Variants in SEC14L2 observed in about 807,000 individuals in gnomAD.
SEC14L2 encodes the protein SEC14-like protein 2.
Under a neutral mutation model 56.9 loss-of-function variants are expected in SEC14L2, and 50 were observed. The ratio of observed to expected loss-of-function variants is 0.88; its 90% confidence interval spans 0.70 to 1.11. The LOEUF is 1.11. Among genes scored for constraint, SEC14L2 ranks in the 50% most tolerant of loss-of-function variants. SEC14L2 has a pLI of 0.00. For synonymous variants in SEC14L2, 179 were observed against 188.5 expected (o/e 0.95, Z 0.41); for missense variants, 414 against 500.7 (o/e 0.83, Z 1.65).
rs975432000 is a variant in SEC14L2 at position 30,399,795 on chromosome 22, G to T, written c.130+77G>T. Reference sequence around the variant, plus strand: ...CAGAATAGCACCCTCTGAAAACCCTGCCCTTGGCAATTGAGGCATCTAGAG... The same window carrying T: ...CAGAATAGCACCCTCTGAAAACCCTTCCCTTGGCAATTGAGGCATCTAGAG... On this transcript the variant is annotated intron_variant, in intron 2 of 11. Coordinates refer to ENST00000615189, the MANE Select transcript of SEC14L2 (RefSeq NM_012429.5). 2.2e-6 allele frequency: 3 copies of T among 1,353,896 alleles called. No homozygotes were observed. In the South Asian group the frequency reaches 3.9e-5, roughly 17 times the overall value. 83.9% of individuals were successfully genotyped at this position (1,353,896 alleles called of 1,614,324 possible).
At position 30,409,254 on chromosome 22, in the gene SEC14L2, G is replaced by A. The variant is rs1482169286; in HGVS notation, c.491G>A (p.Trp164Ter). 1 of 1,613,872 alleles carries A rather than the reference G, an allele frequency of 6.2e-7. No individual in the cohort carries two copies. Among genetic ancestry groups the A allele is most frequent in the Admixed American group, 1.7e-5 (1 of 60,012 alleles). Residue 164 changes from tryptophan to a stop codon, truncating the protein, a stop_gained, in exon 6 of 12, where the codon TGG (tryptophan) becomes TAG (stop). Transcript: ENST00000615189. LOFTEE classifies it high-confidence loss of function. ...DCEGLGLKHL[W>*]KPAVEAYGEF... ...GAGGGGCTTGGCCTCAAGCATCTCT[G>A]GAAGCCTGCTGTGGAGGCCTATGGA...
At chr22:30,420,216 G>A (rs1037222324) in intron 11 of SEC14L2, among the ~76,000 whole-genome samples, 1 of 152,134 alleles carries the variant, frequency 6.6e-6, no homozygotes, top group African/African-American at 2.4e-5. Flanking sequence ...GCCTCCCAAA[G>A]TGCTGGGATT....
chr22:30,403,769 C>T (rs1372780719), intron 2 of SEC14L2, among the ~76,000 whole-genome samples: 2 of 151,932 alleles, frequency 1.3e-5, no homozygotes, highest in South Asian at 2.1e-4. Flanking sequence ...TTTGGGAGGC[C>T]GAGGCAGGTG....
intron 1 of SEC14L2, chr22:30,397,761 A>C (rs1366339126): frequency 2.3e-6 from 1 of 435,120 alleles, no homozygotes; most frequent in African/African-American, 2.1e-5. Flanking sequence ...TCCCCCCATG[A>C]GGCACTGGGT....
At position 30,416,090 on chromosome 22, in the gene SEC14L2, A is replaced by G; in HGVS notation, c.911+3A>G. ...CTCTTCCCTGGCTGTGTCCTCAGGT[A>G]GGGGCCTGGGCCCTTCCAGGAGACC... On this transcript the variant is annotated splice_donor_region_variant and intron_variant, in intron 10 of 11. Coordinates refer to ENST00000615189, the MANE Select transcript of SEC14L2 (RefSeq NM_012429.5). 1 of 1,614,232 alleles carries G rather than the reference A, an allele frequency of 6.2e-7. No homozygotes were observed.
At chr22:30,406,883 C>CTGGGAT (rs1284601091) in intron 3 of SEC14L2, among the ~76,000 whole-genome samples, 1 of 152,192 alleles carries the variant, frequency 6.6e-6, no homozygotes, top group Admixed American at 6.5e-5. Flanking sequence ...ACCTGAGTAG[C>CTGGGAT]TGGGATTACA....
At position 30,413,596 on chromosome 22, in the gene SEC14L2, G is replaced by T. The variant is rs890258846; in HGVS notation, c.665-2163G>T. Among the ~76,000 whole-genome samples the T allele has an allele frequency of 1.5e-4, 23 of 152,222 alleles. 6 individuals carry two copies. Among genetic ancestry groups the T allele is most frequent in the Admixed American group, 2.6e-4 (4 of 15,286 alleles). ...GTATATTGGGACAGGCTCATGAAAGGGTGAATGCCACCTATGGCACTGAAC... is the reference window on the plus strand; with the variant it reads ...GTATATTGGGACAGGCTCATGAAAGTGTGAATGCCACCTATGGCACTGAAC... On this transcript the variant is annotated intron_variant, in intron 8 of 11. Transcript: ENST00000615189.
At chr22:30,400,599 G>T (rs1438318717) in intron 2 of SEC14L2, 1 of 151,886 alleles carries the variant, frequency 6.6e-6, no homozygotes, top group East Asian at 1.9e-4. Context: ...AAATAATAAA[G>T]AAAATTCCAT....
At chr22:30,404,009 C>CAAA (rs67366822) in intron 2 of SEC14L2, among the ~76,000 whole-genome samples, 51 of 93,176 alleles carry the variant, frequency 5.5e-4, no homozygotes, top group Admixed American at 9.3e-4. Flanking sequence ...GACTCCGTCT[C>CAAA]AAAAAAAAAA....
intron 2 of SEC14L2, among the ~76,000 whole-genome samples, chr22:30,404,021 A>G (rs1292686194): frequency 1.5e-5 from 2 of 133,146 alleles, no homozygotes; most frequent in Middle Eastern, 7.9e-3. Context: ...AAAAAAAAAA[A>G]AAAAAAAAGA....
At chr22:30,416,580 T>C in intron 11 of SEC14L2, 177 bp downstream of exon 11, 1 of 1,488,866 alleles carries the variant, frequency 6.7e-7, no homozygotes, top group Non-Finnish European at 8.9e-7. Context: ...TTGTTTATGG[T>C]GACCCAACTG....
intron 2 of SEC14L2, among the ~76,000 whole-genome samples, chr22:30,405,238 G>A (rs551162417): frequency 6.6e-6 from 1 of 152,136 alleles, no homozygotes; most frequent in Non-Finnish European, 1.5e-5. Flanking sequence ...AGTCTCTAAG[G>A]ATGGGCAGCA....
rs1400154997 is a variant in SEC14L2, at chr22:30,416,387, C to CA, written c.1066dup (p.Ser356LysfsTer2). 6.2e-7 allele frequency: 1 copy of CA among 1,614,250 alleles called. No homozygotes were observed. The highest frequency in any genetic ancestry group is 2.2e-5 in the East Asian group (1 of 44,892). ...TCCCTGAAGATGGGACCCTCACCTG[C>CA]AGTGATCCTGGCATCTGTAAGTATC... On this transcript the variant is annotated frameshift_variant, in exon 11 of 12. Coordinates refer to ENST00000615189, the MANE Select transcript of SEC14L2 (RefSeq NM_012429.5). LOFTEE classifies it high-confidence loss of function.
chr22:30,409,166 C>G (rs777784069), intron 5 of SEC14L2, 21 bp from the exon 6 acceptor site: 1 of 1,608,826 alleles, frequency 6.2e-7, no homozygotes, highest in Non-Finnish European at 8.5e-7. Context: ...GACAAGACTT[C>G]CTGCTCTCTG....
intron 8 of SEC14L2, among the ~76,000 whole-genome samples, chr22:30,411,960 T>C (rs891264765): frequency 1.3e-5 from 2 of 152,008 alleles, no homozygotes; most frequent in Admixed American, 6.5e-5. Context: ...GTCTGCCAGA[T>C]GGAGCAAGGC....
chr22:30,422,462 C>T lies in SEC14L2; in HGVS notation c.*55C>T. On this transcript the variant is annotated 3_prime_UTR_variant, in exon 12 of 12. Coordinates refer to ENST00000615189, the MANE Select transcript of SEC14L2 (RefSeq NM_012429.5). ...TCAGTGTCTCCCTGTCAATTTCTAC[C>T]CCTTGTAGCAGTCATTTTCGCACAA... The T allele has an allele frequency of 6.2e-7, 1 of 1,604,532 alleles. No individual in the cohort carries two copies. Among genetic ancestry groups the T allele is most frequent in the Non-Finnish European group, 8.5e-7 (1 of 1,175,052 alleles).
chr22:30,410,882 A>G (rs1934230023), intron 8 of SEC14L2, among the ~76,000 whole-genome samples: 1 of 152,210 alleles, frequency 6.6e-6, no homozygotes, highest in African/African-American at 2.4e-5. Context: ...TCTAGAAGCA[A>G]GCACTGGGTC....
At chr22:30,417,290 G>A (rs1934412729) in intron 11 of SEC14L2, among the ~76,000 whole-genome samples, 1 of 152,216 alleles carries the variant, frequency 6.6e-6, no homozygotes, top group Admixed American at 6.5e-5. Flanking sequence ...TGGGATGATA[G>A]GATGTTTATG....
At position 30,422,403 on chromosome 22, in the gene SEC14L2, A is replaced by C; in HGVS notation, c.1208A>C (p.Lys403Thr). 6.2e-7 allele frequency: 1 copy of C among 1,614,140 alleles called. No homozygotes were observed. Among genetic ancestry groups the C allele is most frequent in the South Asian group, 1.1e-5 (1 of 91,084 alleles). Reference protein sequence around the residue: ...KMKQLGAGTPK With the variant: ...KMKQLGAGTPT ...AAACAGCTGGGGGCAGGCACCCCGAAATAACACCTTCTCCTATAGCAGGCC... is the reference window on the plus strand; with the variant it reads ...AAACAGCTGGGGGCAGGCACCCCGACATAACACCTTCTCCTATAGCAGGCC... Residue 403 changes from lysine to threonine, a missense_variant, in exon 12 of 12, where the codon AAA becomes ACA. Physicochemically the swap from Lys to Thr is moderately conservative, Grantham distance 78. Coordinates refer to ENST00000615189, the MANE Select transcript of SEC14L2 (RefSeq NM_012429.5).
Sources: allele counts gnomAD v4.1 joint callset (sites outside exome capture counted in the v4.1 genomes callset), GRCh38; gene constraint gnomAD v4.1.1; transcripts MANE v1.5; gene names NCBI Gene and HGNC (gene_info 2026-07-23, HGNC 2026-07-21).